The following OSBPL3 variants were observed in gnomAD, a reference collection of about 807,000 sequenced individuals.
OSBPL3 encodes oxysterol-binding protein-related protein 3.
OSBPL3 carries 65 observed loss-of-function variants against 120.1 expected under a neutral mutation model. That is an observed-to-expected ratio of 0.54 (90% CI 0.44 to 0.67). OSBPL3 has a LOEUF of 0.67. Among genes scored for constraint, OSBPL3 ranks in the 30% least tolerant of loss-of-function variants. The probability of loss-of-function intolerance (pLI) is 0.00; values close to 1 mark genes in which losing one functional copy is unlikely to be tolerated. For missense variants in OSBPL3, 1,004 were observed against 1,082.1 expected, an observed-to-expected ratio of 0.93 and a Z score of 1.01; for synonymous variants, 416 against 402.6, an observed-to-expected ratio of 1.03 and a Z score of -0.40.
Position 24,819,805 on chromosome 7 carries a change from A to G in OSBPL3, c.1948+370T>C, listed in dbSNP as rs953673226. ...ACTGAACAAAATTTTAGGAACAATC[A>G]TCTCAAAAATGAAAAGAAGTAAGCA... On this transcript the variant is annotated intron_variant, in intron 17 of 22. Transcript: ENST00000313367. The surrounding 1 kb of genome is among the most constrained non-coding windows in gnomAD (Gnocchi z 4.1). Among the ~76,000 whole-genome samples the G allele has an allele frequency of 6.6e-6, 1 of 152,230 alleles. No homozygotes were observed. Among genetic ancestry groups the G allele is most frequent in the Non-Finnish European group, 1.5e-5 (1 of 68,040 alleles).
chr7:24,950,743 C>A (rs1202132700), intron 1 of OSBPL3, among the ~76,000 whole-genome samples: 1 of 151,916 alleles, frequency 6.6e-6, no homozygotes, highest in African/African-American at 2.4e-5. Flanking sequence ...CAAAACAAAA[C>A]AAAAACATGT....
chr7:24,884,396 C>T (rs4141251), intron 2 of OSBPL3, among the ~76,000 whole-genome samples: 59,124 of 151,948 alleles, frequency 0.39, 13,057 homozygotes, highest in East Asian at 0.75. Flanking sequence ...ATTACAGACC[C>T]CACTGAGTTG....
At position 24,891,513 on chromosome 7, in the gene OSBPL3, G is replaced by A. The variant is rs898609714; in HGVS notation, c.96+864C>T. 1.3e-5 allele frequency among the ~76,000 whole-genome samples: 2 copies of A among 152,160 alleles called. No individual in the cohort carries two copies. The highest frequency in any genetic ancestry group is 4.8e-5 in the African/African-American group (2 of 41,434). On this transcript the variant is annotated intron_variant, in intron 2 of 22. Coordinates refer to ENST00000313367, the MANE Select transcript of OSBPL3 (RefSeq NM_015550.4). This position sits in a 1 kb window ranked among gnomAD's most constrained non-coding sequence, Gnocchi z 4.1. ...TTCTCAGGCCAGCACTTCCCATGAG[G>A]AAAAGGAAATGCCAACAGAAGCAGC...
chr7:24,851,745 A>C lies in OSBPL3; in HGVS notation c.1158+759T>G, dbSNP rs1392398833. Among the ~76,000 whole-genome samples the C allele has an allele frequency of 6.6e-6, 1 of 152,116 alleles. No individual in the cohort carries two copies. On this transcript the variant is annotated intron_variant, in intron 11 of 22. Coordinates refer to ENST00000313367, the MANE Select transcript of OSBPL3 (RefSeq NM_015550.4). This position sits in a 1 kb window ranked among gnomAD's most constrained non-coding sequence, Gnocchi z 4.1. ...GATAGATTCAGGGTAAAAAAAAAAA[A>C]ACGAGATAACTTTATTCAAATAGAG...
rs1209396287 is a variant in OSBPL3 at position 24,901,426 on chromosome 7, G to C, written c.-149-8805C>G. ...AGATGCATTCCCTTATCCTGATTAA[G>C]AGCCATGATTTCATAGGACATTAGC... On this transcript the variant is annotated intron_variant, in intron 1 of 22. Coordinates refer to ENST00000313367, the MANE Select transcript of OSBPL3 (RefSeq NM_015550.4). 2.6e-5 allele frequency among the ~76,000 whole-genome samples: 4 copies of C among 152,032 alleles called. No homozygotes were observed. In the East Asian group the frequency reaches 5.8e-4, roughly 22 times the overall value.
chr7:24,840,848 C>T (rs764627268), intron 13 of OSBPL3, 65 bp from the exon 14 acceptor site: 5 of 724,758 alleles, frequency 6.9e-6, no homozygotes, highest in Admixed American at 2.7e-5. Context: ...TTTCATAAAA[C>T]CCTTACTCTA....
At position 24,872,600 on chromosome 7, in the gene OSBPL3, CAAATTCTAGGT is replaced by C. The variant is rs1292217189; in HGVS notation, c.97-542_97-532del. Reference sequence around the variant, plus strand: ...TTATTTTGTTGAAAATCAGCATCCACAAATTCTAGGTATTTAAATGTACTGGAAATCTGGAA... The same window carrying C: ...TTATTTTGTTGAAAATCAGCATCCACATTTAAATGTACTGGAAATCTGGAA... On this transcript the variant is annotated intron_variant, in intron 2 of 22. Transcript: ENST00000313367. The surrounding 1 kb of genome is among the most constrained non-coding windows in gnomAD (Gnocchi z 4.1). 6.6e-6 allele frequency among the ~76,000 whole-genome samples: 1 copy of C among 152,068 alleles called. No individual in the cohort carries two copies. The highest frequency in any genetic ancestry group is 2.4e-5 in the African/African-American group (1 of 41,402).
At position 24,860,516 on chromosome 7, in the gene OSBPL3, C is replaced by G. The variant is rs115604742; in HGVS notation, c.1027+1097G>C. Reference sequence around the variant, plus strand: ...TTCACTTAGCTTTAATTCTCTCTTGCCTGCCACCATGTAAGACATGCTTTT... The same window carrying G: ...TTCACTTAGCTTTAATTCTCTCTTGGCTGCCACCATGTAAGACATGCTTTT... On this transcript the variant is annotated intron_variant, in intron 10 of 22. Coordinates refer to ENST00000313367, the MANE Select transcript of OSBPL3 (RefSeq NM_015550.4). Among the ~76,000 whole-genome samples the G allele has an allele frequency of 4.6e-3, 706 of 152,300 alleles. 3 individuals are homozygous for G. The highest frequency in any genetic ancestry group is 0.016 in the African/African-American group (666 of 41,558).
At chr7:24,921,765 T>C (rs998835241) in intron 1 of OSBPL3, among the ~76,000 whole-genome samples, 3 of 152,152 alleles carry the variant, frequency 2.0e-5, no homozygotes, top group Non-Finnish European at 4.4e-5. Flanking sequence ...CCTAGTACTA[T>C]CCCAGAGTTC....
Position 24,817,506 on chromosome 7 carries a change from A to G in OSBPL3, c.1949-818T>C, listed in dbSNP as rs913264139. On this transcript the variant is annotated intron_variant, in intron 17 of 22. Coordinates refer to ENST00000313367, the MANE Select transcript of OSBPL3 (RefSeq NM_015550.4). This position sits in a 1 kb window ranked among gnomAD's most constrained non-coding sequence, Gnocchi z 4.0. The stretch of plus-strand genomic sequence containing the variant: ...GGGTGATGGAGTGAGATTCTGCCAA[A>G]AAAAACAAAACAAAACTGAAAACGA... Among the ~76,000 whole-genome samples, 2 of 152,102 alleles carry G rather than the reference A, an allele frequency of 1.3e-5. No individual in the cohort carries two copies. The highest frequency in any genetic ancestry group is 1.3e-4 in the Admixed American group (2 of 15,272).
intron 1 of OSBPL3, among the ~76,000 whole-genome samples, chr7:24,957,274 AAAAAAGC>A (rs988559431): frequency 2.6e-5 from 4 of 152,156 alleles, no homozygotes; most frequent in Non-Finnish European, 5.9e-5. Flanking sequence ...CCGGTCAATT[AAAAAAGC>A]AAAAAACAAA....
At chr7:24,943,352 C>G (rs1426362077) in intron 1 of OSBPL3, among the ~76,000 whole-genome samples, 1 of 152,204 alleles carries the variant, frequency 6.6e-6, no homozygotes, top group Non-Finnish European at 1.5e-5. Context: ...ATGAGGCAGC[C>G]TGTACATATG....
intron 1 of OSBPL3, among the ~76,000 whole-genome samples, chr7:24,978,799 C>T (rs572976744): frequency 1.3e-5 from 2 of 152,356 alleles, no homozygotes; most frequent in African/African-American, 4.8e-5. Flanking sequence ...CACCTCTGCG[C>T]AGTACGCAGA....
chr7:24,809,825 C>G lies in OSBPL3; in HGVS notation c.2299G>C (p.Ala767Pro). The G allele has an allele frequency of 6.2e-7, 1 of 1,614,120 alleles. No individual in the cohort carries two copies. The highest frequency in any genetic ancestry group is 1.1e-5 in the South Asian group (1 of 91,082). ...SIYCGGGSSSACVWRANPMPK... is the reference protein window; with the variant it reads ...SIYCGGGSSSPCVWRANPMPK... The stretch of plus-strand genomic sequence containing the variant: ...CACTCACTTGCTCTCCATACACAGG[C>G]AGAAGAGGAGCCGCCGCCACAGTAG... Residue 767 changes from alanine (A) to proline (P), a missense_variant, in exon 20 of 23, where the codon GCC becomes CCC. This residue lies in a region of OSBPL3 where 473 missense variants were observed against 568.0 expected (regional missense o/e 0.83). Transcript: ENST00000313367.
intron 1 of OSBPL3, among the ~76,000 whole-genome samples, chr7:24,897,195 T>C (rs968537365): frequency 1.3e-5 from 2 of 152,066 alleles, no homozygotes; most frequent in East Asian, 3.9e-4. Flanking sequence ...TGGAATAGAA[T>C]AGACACTCCA....
At position 24,940,344 on chromosome 7, in the gene OSBPL3, A is replaced by G. The variant is rs1018718059; in HGVS notation, c.-150+39542T>C. On this transcript the variant is annotated intron_variant, in intron 1 of 22. Transcript: ENST00000313367. The surrounding 1 kb of genome is among the most constrained non-coding windows in gnomAD (Gnocchi z 4.4). ...AGTTGGAGAAAGAAATGAATCCTAT[A>G]GAAGATCAGGAGGTGTAGAAATTAC... Among the ~76,000 whole-genome samples the G allele has an allele frequency of 7.9e-5, 12 of 152,222 alleles. No individual in the cohort carries two copies. Among genetic ancestry groups the G allele is most frequent in the African/African-American group, 2.7e-4 (11 of 41,450 alleles).
chr7:24,846,002 TATA>T (rs1207261757), intron 12 of OSBPL3, among the ~76,000 whole-genome samples: 1 of 152,208 alleles, frequency 6.6e-6, no homozygotes, highest in Non-Finnish European at 1.5e-5. Flanking sequence ...GGTAATTAAT[TATA>T]ATAATGTAAT....
chr7:24,944,313 A>G (rs1205511110), intron 1 of OSBPL3, among the ~76,000 whole-genome samples: 2 of 152,244 alleles, frequency 1.3e-5, no homozygotes, highest in East Asian at 3.9e-4. Flanking sequence ...TGGTGATGTT[A>G]AGAAGAAACT....
rs1218790260 is a variant in OSBPL3 at position 24,871,978 on chromosome 7, T to C, written c.188A>G (p.Lys63Arg). Residue 63 changes from lysine (K) to arginine (R), a missense_variant, in exon 3 of 23, where the codon AAG (lysine) becomes AGG (arginine). Coordinates refer to ENST00000313367, the MANE Select transcript of OSBPL3 (RefSeq NM_015550.4). This position sits in a 1 kb window ranked among gnomAD's most constrained non-coding sequence, Gnocchi z 4.8. ...CTTATGCCAGCCTTTTAAGGGCCAC[T>C]TCCTCTTTTTCAGCAAAAATCCTTT... is the stretch of plus-strand genomic sequence containing the variant. ...VQKGFLLKKR[K>R]WPLKGWHKRF... is the part of the protein sequence containing the mutation. 1.5e-5 allele frequency: 25 copies of C among 1,613,798 alleles called. No individual in the cohort carries two copies. Among genetic ancestry groups the C allele is most frequent in the Non-Finnish European group, 2.0e-5 (24 of 1,179,830 alleles).
Sources: allele counts gnomAD v4.1 joint callset (sites outside exome capture counted in the v4.1 genomes callset), GRCh38; gene constraint gnomAD v4.1.1; regional missense constraint gnomAD v4.1.1; non-coding constraint Gnocchi (gnomAD v3.1); transcripts MANE v1.5; gene names NCBI Gene and HGNC (gene_info 2026-07-23, HGNC 2026-07-21).